The following CFDP1 variants were observed in gnomAD, a reference collection of about 807,000 sequenced individuals.
CFDP1 encodes the protein heterochromatin-stabilizing protein CFDP1.
In CFDP1, 31 loss-of-function variants were observed where a neutral mutation model predicts 40.1. The observed-to-expected ratio is 0.77, with a 90% CI of 0.58 to 1.04. The LOEUF (loss-of-function observed/expected upper bound fraction) is 1.04. Ranked by LOEUF, CFDP1 falls within the 50% of genes least tolerant of loss-of-function variation. CFDP1 has a pLI of 0.00. For synonymous variants in CFDP1, 167 were observed against 120.0 expected (o/e 1.39, Z -2.56); for missense variants, 423 against 343.4 (o/e 1.23, Z -1.83).
chr16:75,375,790 C>A (rs1294013916), intron 5 of CFDP1, among the ~76,000 whole-genome samples: 186 of 125,544 alleles, frequency 1.5e-3, no homozygotes, highest in Admixed American at 1.8e-3. Context: ...GACTCCATCT[C>A]AAAAAAAAAA....
intron 5 of CFDP1, among the ~76,000 whole-genome samples, chr16:75,393,197 T>A (rs2078967091): frequency 6.6e-6 from 1 of 152,140 alleles, no homozygotes; most frequent in South Asian, 2.1e-4. Flanking sequence ...TCCCAATCTC[T>A]AAGTTTCCCA....
chr16:75,367,355 C>A (rs1046598857), intron 5 of CFDP1, among the ~76,000 whole-genome samples: 9 of 148,494 alleles, frequency 6.1e-5, no homozygotes, highest in Non-Finnish European at 8.9e-5. Context: ...GATGGGTTGA[C>A]AGGTGCAGCA....
Position 75,294,729 on chromosome 16 carries a change from T to G in CFDP1, c.810-687A>C, listed in dbSNP as rs1429115888. 2.6e-5 allele frequency among the ~76,000 whole-genome samples: 4 copies of G among 152,312 alleles called. No individual in the cohort carries two copies. In the East Asian group the frequency reaches 5.8e-4, roughly 22 times the overall value. On this transcript the variant is annotated intron_variant, in intron 6 of 6. Transcript: ENST00000283882. ...TTCTGCTAAGATGACAGGAGAACTC[T>G]TTCCCTAAATGCCTCTAAGAGAATG...
At chr16:75,344,849 T>C (rs1481306594) in intron 5 of CFDP1, among the ~76,000 whole-genome samples, 2 of 152,056 alleles carry the variant, frequency 1.3e-5, no homozygotes, top group Admixed American at 6.6e-5. Context: ...GGAGAATCAC[T>C]TGAACCCAGG....
At chr16:75,378,908 C>A (rs1046792838) in intron 5 of CFDP1, among the ~76,000 whole-genome samples, 2 of 151,904 alleles carry the variant, frequency 1.3e-5, no homozygotes, top group African/African-American at 2.4e-5. Flanking sequence ...TGTTCACCAG[C>A]AACATGATCA....
At chr16:75,427,050 C>CAA (rs58187867) in intron 1 of CFDP1, among the ~76,000 whole-genome samples, 1 of 134,104 alleles carries the variant, frequency 7.5e-6, no homozygotes. Context: ...GAGACTGTCT[C>CAA]AAAAAAAAAA....
At chr16:75,426,764 T>C (rs2079347030) in intron 1 of CFDP1, among the ~76,000 whole-genome samples, 1 of 151,798 alleles carries the variant, frequency 6.6e-6, no homozygotes, top group Non-Finnish European at 1.5e-5. Context: ...AACAAGTATG[T>C]GACAAAGGAG....
intron 5 of CFDP1, among the ~76,000 whole-genome samples, chr16:75,323,674 G>C (rs2078382243): frequency 1.3e-5 from 2 of 151,806 alleles, no homozygotes; most frequent in African/African-American, 4.8e-5. Context: ...AGCTACTCCA[G>C]AGGCTGAGGC....
chr16:75,426,476 T>C (rs922661041), intron 1 of CFDP1, among the ~76,000 whole-genome samples: 3 of 151,894 alleles, frequency 2.0e-5, no homozygotes, highest in Non-Finnish European at 4.4e-5. Flanking sequence ...CAACCCATAA[T>C]AGAAAAATTT....
At chr16:75,408,029 T>C (rs2079118486) in intron 4 of CFDP1, among the ~76,000 whole-genome samples, 1 of 151,020 alleles carries the variant, frequency 6.6e-6, no homozygotes, top group Non-Finnish European at 1.5e-5. Flanking sequence ...ACTTGAGTCC[T>C]GGAGGTTGAG....
At chr16:75,343,301 C>T (rs116489488) in intron 5 of CFDP1, among the ~76,000 whole-genome samples, 3,394 of 152,116 alleles carry the variant, frequency 0.022, 73 homozygotes, top group African/African-American at 0.054. Context: ...CAGGCCTCTC[C>T]GCACATGCAT....
intron 2 of CFDP1, 39 bp downstream of exon 2, chr16:75,414,539 A>T: frequency 8.2e-7 from 1 of 1,219,156 alleles, no homozygotes; most frequent in South Asian, 1.2e-5. Context: ...GGTTGTGACA[A>T]TAGCCCCTAA....
intron 4 of CFDP1, among the ~76,000 whole-genome samples, chr16:75,399,086 C>G (rs1320299895): frequency 6.7e-6 from 1 of 149,642 alleles, no homozygotes; most frequent in East Asian, 2.0e-4. Context: ...AAAAGAAAAC[C>G]TGTGAAGTGG....
At chr16:75,332,701 T>C (rs1212941276) in intron 5 of CFDP1, among the ~76,000 whole-genome samples, 1 of 151,166 alleles carries the variant, frequency 6.6e-6, no homozygotes, top group Non-Finnish European at 1.5e-5. Context: ...TGTCTATATT[T>C]TTTATATAGT....
intron 5 of CFDP1, among the ~76,000 whole-genome samples, chr16:75,336,566 G>T (rs1024586808): frequency 6.6e-6 from 1 of 152,196 alleles, no homozygotes; most frequent in Non-Finnish European, 1.5e-5. Context: ...TTAAATGGCT[G>T]TATGCCCCTT....
At position 75,293,785 on chromosome 16, in the gene CFDP1, T is replaced by A. The variant is rs1281089543; in HGVS notation, c.*167A>T. 8.4e-6 allele frequency: 5 copies of A among 594,276 alleles called. No homozygotes were observed. In the African/African-American group the frequency reaches 9.3e-5, roughly 11 times the overall value. 36.8% of individuals were successfully genotyped at this position (594,276 alleles called of 1,614,324 possible). A position where few individuals can be genotyped will look rare whatever the true frequency, so the allele number is the denominator to read the frequency against. On this transcript the variant is annotated 3_prime_UTR_variant, in exon 7 of 7. Transcript: ENST00000283882. ...TAAGGACAAATTTTTAAAAGTAAAGTGAATGAAACCATTTGTGATTAAGAT... is the reference window on the plus strand; with the variant it reads ...TAAGGACAAATTTTTAAAAGTAAAGAGAATGAAACCATTTGTGATTAAGAT...
At chr16:75,379,817 T>A (rs4888395) in intron 5 of CFDP1, 1 of 151,878 alleles carries the variant, frequency 6.6e-6, no homozygotes, top group African/African-American at 2.4e-5. Context: ...CTCTTAAAAT[T>A]AAAGGTTTAT....
chr16:75,388,193 G>C (rs756855089), intron 5 of CFDP1, among the ~76,000 whole-genome samples: 1 of 152,134 alleles, frequency 6.6e-6, no homozygotes, highest in Non-Finnish European at 1.5e-5. Context: ...CTGTGAAATG[G>C]GCACAAAGTT....
chr16:75,341,215 A>G (rs950320383), intron 5 of CFDP1, among the ~76,000 whole-genome samples: 1 of 152,166 alleles, frequency 6.6e-6, no homozygotes, highest in Non-Finnish European at 1.5e-5. Context: ...GTAAATGTTA[A>G]TGGCTGTAAA....
Sources: gnomAD v4.1 joint callset for allele counts (sites outside exome capture counted in the v4.1 genomes callset) on GRCh38, gnomAD v4.1.1 for gene constraint, MANE v1.5 for transcripts, NCBI Gene and HGNC (gene_info 2026-07-23, HGNC 2026-07-21) for gene names.